The following PITPNB variants were observed in gnomAD, a reference collection of about 807,000 sequenced individuals.
PITPNB encodes the protein phosphatidylinositol transfer protein beta, also known as phosphatidylinositol transfer protein beta isoform.
PITPNB carries 16 observed loss-of-function variants against 45.9 expected under a neutral mutation model. The observed-to-expected ratio is 0.35, with a 90% CI of 0.24 to 0.53. The LOEUF is 0.53. Ranked by LOEUF, PITPNB falls within the 20% of genes least tolerant of loss-of-function variation. The pLI, the probability that PITPNB is intolerant of heterozygous loss-of-function variation, is 0.93. For missense variants in PITPNB, 188 were observed against 330.5 expected (o/e 0.57, Z 3.34); for synonymous variants, 112 against 108.9 (o/e 1.03, Z -0.18).
At chr22:27,912,370 C>G (rs1420998832) in intron 2 of PITPNB, among the ~76,000 whole-genome samples, 1 of 152,186 alleles carries the variant, frequency 6.6e-6, no homozygotes, top group Non-Finnish European at 1.5e-5. Flanking sequence ...GCAGACAGGA[C>G]TGCATTTCTC....
chr22:27,880,841 C>T (rs1243462754), intron 7 of PITPNB, among the ~76,000 whole-genome samples: 1 of 152,110 alleles, frequency 6.6e-6, no homozygotes, highest in Non-Finnish European at 1.5e-5. Flanking sequence ...AGGCTGGTCT[C>T]GAACTCCCAA....
rs970890038 is a variant in PITPNB, at chr22:27,852,308, A to G, written c.*1394T>C. On this transcript the variant is annotated 3_prime_UTR_variant, in exon 12 of 12. Transcript: ENST00000335272. ...TTTGTGACCTGAAGGCTTCAACAAT[A>G]TAATTCTATTCAAGCTTCCAGGACT... 1.2e-4 allele frequency: 18 copies of G among 152,230 alleles called. No individual in the cohort carries two copies. The highest frequency in any genetic ancestry group is 2.4e-4 in the Non-Finnish European group (16 of 68,038). 9.4% of individuals were successfully genotyped at this position (152,230 alleles called of 1,614,324 possible).
rs2230465 is a variant in PITPNB at position 27,897,876 on chromosome 22, C to T, written c.214G>A (p.Val72Met). The T allele has an allele frequency of 5.6e-6, 9 of 1,612,820 alleles. No individual in the cohort carries two copies. Among genetic ancestry groups the T allele is most frequent in the Middle Eastern group, 1.7e-4 (1 of 6,060 alleles). Reference sequence around the variant, plus strand: ...GAGCCCTCGGGAGCAATCATCCTCACGAATGCAGGCACTTTGCTGGGAGAA... The same window carrying T: ...GAGCCCTCGGGAGCAATCATCCTCATGAATGCAGGCACTTTGCTGGGAGAA... ...YHLKSKVPAF[V>M]RMIAPEGSLV... The change falls in exon 4 of 12, where the codon GTG (valine) becomes ATG (methionine). Residue 72 changes from valine to methionine, a missense_variant. Physicochemically the swap from Val to Met is conservative, Grantham distance 21. Coordinates refer to ENST00000335272, the MANE Select transcript of PITPNB (RefSeq NM_012399.5).
intron 7 of PITPNB, among the ~76,000 whole-genome samples, chr22:27,880,625 G>A (rs1021263540): frequency 2.0e-5 from 3 of 151,426 alleles, no homozygotes; most frequent in Non-Finnish European, 2.9e-5. Flanking sequence ...TGTACACACC[G>A]ATTTTTTTTT....
At chr22:27,853,693 T>C (rs368262276) in intron 11 of PITPNB, 30 bp from the exon 12 acceptor site, 7 of 1,492,018 alleles carry the variant, frequency 4.7e-6, no homozygotes, top group African/African-American at 1.4e-5. Flanking sequence ...CAGTGCAAAA[T>C]GTGTTAAAAT....
chr22:27,900,305 G>T (rs554136757), intron 3 of PITPNB, among the ~76,000 whole-genome samples: 1 of 151,850 alleles, frequency 6.6e-6, no homozygotes, highest in East Asian at 1.9e-4. Context: ...TATTCCTATA[G>T]TGCCTGATAT....
chr22:27,894,218 A>C (rs1014492038), intron 7 of PITPNB: 7 of 179,280 alleles, frequency 3.9e-5, no homozygotes, highest in Non-Finnish European at 7.0e-5. Flanking sequence ...TTGAAAAGTA[A>C]AAGGGACCTA....
rs115730805 is a variant in PITPNB at position 27,907,826 on chromosome 22, C to T, written c.197+3138G>A. ...TATTAGCTGTGACCTTGGGTAAATA[C>T]GTGCCTTAGTGTCTTAGGTACAATA... is the stretch of plus-strand genomic sequence containing the variant. On this transcript the variant is annotated intron_variant, in intron 3 of 11. Transcript: ENST00000335272. Among the ~76,000 whole-genome samples the T allele has an allele frequency of 8.0e-3, 1,213 of 152,174 alleles. 24 individuals carry two copies. Among genetic ancestry groups the T allele is most frequent in the African/African-American group, 0.028 (1,172 of 41,498 alleles).
chr22:27,878,461 G>T (rs115294000), intron 7 of PITPNB, among the ~76,000 whole-genome samples: 54 of 152,306 alleles, frequency 3.5e-4, no homozygotes, highest in African/African-American at 1.3e-3. Flanking sequence ...TTAAGAAACT[G>T]ATTTCAACAG....
chr22:27,873,835 C>G lies in PITPNB; in HGVS notation c.457-20G>C. 2 of 1,538,906 alleles carry G rather than the reference C, an allele frequency of 1.3e-6. No homozygotes were observed. Among genetic ancestry groups the G allele is most frequent in the Non-Finnish European group, 1.8e-6 (2 of 1,111,454 alleles). ...GTAGTCCTGCAAAGCAAAACAAAGTCAGAGGCAGAGAAGAAAACCAGAGAA... is the reference window on the plus strand; with the variant it reads ...GTAGTCCTGCAAAGCAAAACAAAGTGAGAGGCAGAGAAGAAAACCAGAGAA... On this transcript the variant is annotated intron_variant, in intron 7 of 11. Coordinates refer to ENST00000335272, the MANE Select transcript of PITPNB (RefSeq NM_012399.5).
intron 7 of PITPNB, among the ~76,000 whole-genome samples, chr22:27,880,978 G>A (rs567980482): frequency 6.6e-6 from 1 of 152,262 alleles, no homozygotes; most frequent in African/African-American, 2.4e-5. Context: ...GCAATATGTT[G>A]TTTTCCCACA....
chr22:27,892,821 C>CA (rs955992845), intron 7 of PITPNB, among the ~76,000 whole-genome samples: 6 of 152,080 alleles, frequency 3.9e-5, no homozygotes, highest in African/African-American at 1.4e-4. Flanking sequence ...ACTTCTAGAA[C>CA]AAAAGTCCCT....
intron 3 of PITPNB, among the ~76,000 whole-genome samples, chr22:27,901,610 G>A (rs768277989): frequency 3.3e-5 from 5 of 152,138 alleles, no homozygotes; most frequent in South Asian, 2.1e-4. Context: ...GGCCAGGTGC[G>A]GTGGCTCACA....
At chr22:27,902,226 C>G (rs1935616834) in intron 3 of PITPNB, among the ~76,000 whole-genome samples, 1 of 152,002 alleles carries the variant, frequency 6.6e-6, no homozygotes. Flanking sequence ...AGGCAGGGAA[C>G]AGAACAGCAA....
At chr22:27,861,414 G>T (rs1270830869) in intron 8 of PITPNB, among the ~76,000 whole-genome samples, 1 of 152,194 alleles carries the variant, frequency 6.6e-6, no homozygotes, top group Non-Finnish European at 1.5e-5. Context: ...CTTACTTAGT[G>T]AGTTCAATAT....
rs1374209153 is a variant in PITPNB at position 27,853,043 on chromosome 22, T to C, written c.*659A>G. 2.0e-5 allele frequency: 3 copies of C among 152,722 alleles called. No individual in the cohort carries two copies. Among genetic ancestry groups the C allele is most frequent in the African/African-American group, 7.2e-5 (3 of 41,586 alleles). 9.5% of individuals were successfully genotyped at this position (152,722 alleles called of 1,614,324 possible). On this transcript the variant is annotated 3_prime_UTR_variant, in exon 12 of 12. Transcript: ENST00000335272. ...GCTCCTTACTTTATATTGTCAAATTTGGCTACAAGATAATGACCATCCAGA... is the reference window on the plus strand; with the variant it reads ...GCTCCTTACTTTATATTGTCAAATTCGGCTACAAGATAATGACCATCCAGA...
chr22:27,910,625 C>A, intron 3 of PITPNB: 1 of 180,446 alleles, frequency 5.5e-6, no homozygotes, highest in Non-Finnish European at 1.2e-5. Flanking sequence ...AAAATTGATA[C>A]AAGTAATACA....
intron 8 of PITPNB, among the ~76,000 whole-genome samples, chr22:27,862,563 A>C (rs1022138061): frequency 1.3e-5 from 2 of 150,158 alleles, no homozygotes; most frequent in Non-Finnish European, 2.9e-5. Context: ...AGCTCTGTTA[A>C]CAAAATATCT....
At chr22:27,896,038 TAAAG>T (rs1209597238) in intron 6 of PITPNB, among the ~76,000 whole-genome samples, 1 of 152,218 alleles carries the variant, frequency 6.6e-6, no homozygotes, top group Non-Finnish European at 1.5e-5. Context: ...TCTTGAATCT[TAAAG>T]AGATAAATGT....
Sources: allele counts gnomAD v4.1 joint callset (sites outside exome capture counted in the v4.1 genomes callset), GRCh38; gene constraint gnomAD v4.1.1; transcripts MANE v1.5; gene names NCBI Gene and HGNC (gene_info 2026-07-23, HGNC 2026-07-21).